ZYG11B: variants seen among roughly 807,000 people sequenced by gnomAD.
ZYG11B encodes the protein zyg-11 family member B, cell cycle regulator.
Under a neutral mutation model 82.4 loss-of-function variants are expected in ZYG11B, and 36 were observed. That is an observed-to-expected ratio of 0.44 (90% CI 0.33 to 0.58). The LOEUF is 0.58. ZYG11B is among the 20% of genes least tolerant of loss of function. ZYG11B has a pLI of 0.02. For synonymous variants in ZYG11B, 303 were observed against 312.8 expected (o/e 0.97, Z 0.33); for missense variants, 552 against 895.6 (o/e 0.62, Z 4.90).
At position 52,735,916 on chromosome 1, in the gene ZYG11B, TGTG is replaced by T. The variant is rs756131807; in HGVS notation, c.30+9235_30+9237del. On this transcript the variant is annotated intron_variant, in intron 1 of 13. Transcript: ENST00000294353. ...TAACATACTTTCAGAACATATTAAT[TGTG>T]GGGGAGAAAAAGCAAAAAGCAGGTC... 2.6e-5 allele frequency among the ~76,000 whole-genome samples: 4 copies of T among 152,162 alleles called. No individual in the cohort carries two copies. In the South Asian group the frequency reaches 8.3e-4, roughly 32 times the overall value.
In ZYG11B at chr1:52,823,666, A is replaced by C. The variant is rs1257667033; in HGVS notation, c.*2037A>C. 1 of 152,182 alleles carries C rather than the reference A, an allele frequency of 6.6e-6. No individual in the cohort carries two copies. The highest frequency in any genetic ancestry group is 2.4e-5 in the African/African-American group (1 of 41,434). 9.4% of individuals were successfully genotyped at this position (152,182 alleles called of 1,614,324 possible). A position where few individuals can be genotyped will look rare whatever the true frequency, so the allele number is the denominator to read the frequency against. On this transcript the variant is annotated 3_prime_UTR_variant, in exon 14 of 14. Coordinates refer to ENST00000294353, the MANE Select transcript of ZYG11B (RefSeq NM_024646.3). Reference sequence around the variant, plus strand: ...GTAGTTAAGGGAAAGCCTATTTAAGAAGTTTGGCTTCAAGTTTCTGTTTTA... The same window carrying C: ...GTAGTTAAGGGAAAGCCTATTTAAGCAGTTTGGCTTCAAGTTTCTGTTTTA...
intron 5 of ZYG11B, among the ~76,000 whole-genome samples, chr1:52,787,545 T>G (rs974148469): frequency 5.9e-5 from 9 of 152,232 alleles, no homozygotes; most frequent in Non-Finnish European, 1.0e-4. Context: ...AGCAGTAGTA[T>G]TCACTGTATT....
At chr1:52,745,558 C>A (rs1015937282) in intron 1 of ZYG11B, among the ~76,000 whole-genome samples, 8 of 152,024 alleles carry the variant, frequency 5.3e-5, no homozygotes, top group Non-Finnish European at 8.8e-5. Context: ...TGGCTCTAAC[C>A]TGGTGGTTTT....
At chr1:52,817,765 GTATATATA>G (rs1366515992) in intron 13 of ZYG11B, among the ~76,000 whole-genome samples, 5 of 60,054 alleles carry the variant, frequency 8.3e-5, no homozygotes, top group Admixed American at 4.7e-4. Flanking sequence ...AGTAAAGTGT[GTATATATA>G]TGTGTATATA....
intron 10 of ZYG11B, among the ~76,000 whole-genome samples, chr1:52,808,946 T>C (rs1373827745): frequency 6.6e-6 from 1 of 152,212 alleles, no homozygotes. Context: ...AAGTTCAATT[T>C]AGGTGTTTTT....
intron 1 of ZYG11B, among the ~76,000 whole-genome samples, chr1:52,740,504 C>G (rs1642054670): frequency 6.6e-6 from 1 of 151,848 alleles, no homozygotes; most frequent in Non-Finnish European, 1.5e-5. Context: ...AGTTCAATAT[C>G]TCCATACCCT....
intron 1 of ZYG11B, among the ~76,000 whole-genome samples, chr1:52,741,924 C>T (rs557787717): frequency 6.6e-6 from 1 of 152,058 alleles, no homozygotes; most frequent in Non-Finnish European, 1.5e-5. Flanking sequence ...GTCTGACTCC[C>T]AAGCCCACAC....
intron 13 of ZYG11B, among the ~76,000 whole-genome samples, chr1:52,820,169 C>T (rs1645271614): frequency 6.6e-6 from 1 of 151,646 alleles, no homozygotes; most frequent in African/African-American, 2.4e-5. Context: ...TCGCCTCGGC[C>T]TCCCAAACTG....
intron 6 of ZYG11B, among the ~76,000 whole-genome samples, chr1:52,795,070 C>T (rs890061856): frequency 6.6e-6 from 1 of 152,132 alleles, no homozygotes; most frequent in Non-Finnish European, 1.5e-5. Context: ...TATGGTTTGG[C>T]CCTGTGACGC....
chr1:52,745,112 A>G, intron 1 of ZYG11B, among the ~76,000 whole-genome samples: 1 of 152,226 alleles, frequency 6.6e-6, no homozygotes, highest in Non-Finnish European at 1.5e-5. Context: ...CTTCTTTGCC[A>G]TGGCTCTGGC....
intron 5 of ZYG11B, among the ~76,000 whole-genome samples, chr1:52,788,717 G>A (rs1016410860): frequency 3.4e-4 from 51 of 152,210 alleles, no homozygotes; most frequent in Middle Eastern, 6.8e-3. Flanking sequence ...GTGACAGAGC[G>A]AGACCCTGTC....
intron 5 of ZYG11B, among the ~76,000 whole-genome samples, chr1:52,786,346 CACAACTCTGTG>C (rs1452701822): frequency 6.6e-6 from 1 of 152,172 alleles, no homozygotes; most frequent in East Asian, 1.9e-4. Context: ...GTGATGGTTG[CACAACTCTGTG>C]ACTCTACTAA....
intron 4 of ZYG11B, among the ~76,000 whole-genome samples, chr1:52,784,406 A>G (rs915215186): frequency 7.2e-5 from 11 of 152,198 alleles, no homozygotes; most frequent in Admixed American, 6.5e-4. Context: ...AGGAATGGGA[A>G]GGATTCGTTG....
At chr1:52,770,651 C>G (rs1165322265) in intron 2 of ZYG11B, among the ~76,000 whole-genome samples, 2 of 152,176 alleles carry the variant, frequency 1.3e-5, no homozygotes, top group African/African-American at 2.4e-5. Context: ...AAATCATGCA[C>G]TGGCTCTCAG....
intron 2 of ZYG11B, among the ~76,000 whole-genome samples, chr1:52,757,743 T>TA (rs988783998): frequency 2.6e-4 from 40 of 152,010 alleles, no homozygotes; most frequent in African/African-American, 9.2e-4. Context: ...TTATTACTGT[T>TA]ATGGAAAAAC....
chr1:52,767,001 C>T (rs1409065776), intron 2 of ZYG11B, among the ~76,000 whole-genome samples: 7 of 119,420 alleles, frequency 5.9e-5, no homozygotes, highest in Admixed American at 9.2e-5. Flanking sequence ...AGCGAGACTC[C>T]GTCTCAAAAA....
Position 52,825,313 on chromosome 1 carries a change from C to T in ZYG11B, c.*3684C>T, listed in dbSNP as rs1015856652. The T allele has an allele frequency of 7.9e-5, 12 of 151,938 alleles. No individual in the cohort carries two copies. Among genetic ancestry groups the T allele is most frequent in the Non-Finnish European group, 1.2e-4 (8 of 67,998 alleles). 9.4% of individuals were successfully genotyped at this position (151,938 alleles called of 1,614,324 possible). ...ATAAGGGATTAGTTTACCCTCAAGC[C>T]GATGACTCCATGGCTACTGATATTA... On this transcript the variant is annotated 3_prime_UTR_variant, in exon 14 of 14. Transcript: ENST00000294353.
At chr1:52,739,628 A>C (rs1288395749) in intron 1 of ZYG11B, among the ~76,000 whole-genome samples, 1 of 150,498 alleles carries the variant, frequency 6.6e-6, no homozygotes, top group South Asian at 2.1e-4. Flanking sequence ...ATTTATTTTA[A>C]TTTGTTTTTT....
At chr1:52,751,333 A>T (rs1571749979) in intron 1 of ZYG11B, among the ~76,000 whole-genome samples, 1 of 24,226 alleles carries the variant, frequency 4.1e-5, no homozygotes, top group East Asian at 0.12. Flanking sequence ...TGATATAGTT[A>T]AAAAAAAAAA....
Sources: gnomAD v4.1 joint callset for allele counts (sites outside exome capture counted in the v4.1 genomes callset) on GRCh38, gnomAD v4.1.1 for gene constraint, MANE v1.5 for transcripts, NCBI Gene and HGNC (gene_info 2026-07-23, HGNC 2026-07-21) for gene names.